Variants in SPMIP2 observed in about 807,000 individuals in gnomAD.
SPMIP2 encodes protein SPMIP2.
At chr4:158,990,740 T>A in the SPMIP2 span, among the ~76,000 whole-genome samples, 1 of 151,522 alleles carries the variant, frequency 6.6e-6, no homozygotes, top group Non-Finnish European at 1.5e-5. Context: ...CATTGAGGGG[T>A]GAGGGGCTAG....
At chr4:159,000,429 G>T in the SPMIP2 span, among the ~76,000 whole-genome samples, 1 of 151,082 alleles carries the variant, frequency 6.6e-6, no homozygotes, top group Non-Finnish European at 1.5e-5. Flanking sequence ...GCGGTTCCCA[G>T]AATTTGATCT....
chr4:159,078,010 G>T, the SPMIP2 span, among the ~76,000 whole-genome samples: 2 of 152,012 alleles, frequency 1.3e-5, no homozygotes, highest in African/African-American at 4.8e-5. Context: ...AAAAAGGCAA[G>T]CTACCTCTAA....
chr4:158,894,464 G>A, the SPMIP2 span, among the ~76,000 whole-genome samples: 2 of 152,076 alleles, frequency 1.3e-5, no homozygotes, highest in South Asian at 2.1e-4. Flanking sequence ...GAGCCACTAT[G>A]ACTGGCTAAA....
the SPMIP2 span, among the ~76,000 whole-genome samples, chr4:159,013,027 G>T: frequency 0.013 from 1,967 of 152,242 alleles, 35 homozygotes; most frequent in African/African-American, 0.044. Flanking sequence ...ACAGTCCCAC[G>T]TCTACGATCA....
the SPMIP2 span, among the ~76,000 whole-genome samples, chr4:158,896,204 T>TGCA: frequency 1.3e-5 from 2 of 152,204 alleles, no homozygotes; most frequent in African/African-American, 4.8e-5. Flanking sequence ...CTGTGGGACA[T>TGCA]GCAGCAGCAG....
At chr4:159,066,338 G>A in the SPMIP2 span, among the ~76,000 whole-genome samples, 1 of 152,030 alleles carries the variant, frequency 6.6e-6, no homozygotes. Flanking sequence ...ATGTGCTGGT[G>A]CCACAGGGAA....
At chr4:158,906,240 C>T in the SPMIP2 span, 2 of 152,160 alleles carry the variant, frequency 1.3e-5, no homozygotes, top group Non-Finnish European at 2.9e-5. Flanking sequence ...GGAACCTCAC[C>T]TGTGGCTCAG....
At chr4:159,008,735 A>G in the SPMIP2 span, among the ~76,000 whole-genome samples, 2 of 152,244 alleles carry the variant, frequency 1.3e-5, no homozygotes, top group African/African-American at 4.8e-5. Flanking sequence ...AGTGGATCAG[A>G]TGTTGACTAT....
At chr4:158,950,079 G>A in the SPMIP2 span, among the ~76,000 whole-genome samples, 1,164 of 152,260 alleles carry the variant, frequency 7.6e-3, 7 homozygotes, top group Non-Finnish European at 0.011. Context: ...CAGTCCACAG[G>A]AACTTGCAGT....
chr4:158,943,924 C>T, the SPMIP2 span, among the ~76,000 whole-genome samples: 2 of 126,350 alleles, frequency 1.6e-5, no homozygotes, highest in African/African-American at 6.1e-5. Context: ...GGTGTGATCT[C>T]GGCTCACCGC....
chr4:159,007,828 T>C, the SPMIP2 span: 1 of 560,278 alleles, frequency 1.8e-6, no homozygotes, highest in African/African-American at 1.9e-5. Context: ...AAGCCATCTA[T>C]GCACTGAATC....
chr4:158,906,405 A>C, the SPMIP2 span: 1 of 152,164 alleles, frequency 6.6e-6, no homozygotes, highest in Admixed American at 6.5e-5. Context: ...CCAGGGTTTC[A>C]TAGAAAATAA....
At chr4:158,913,725 C>T in the SPMIP2 span, among the ~76,000 whole-genome samples, 1 of 151,916 alleles carries the variant, frequency 6.6e-6, no homozygotes, top group South Asian at 2.1e-4. Context: ...CCTAGCTACT[C>T]AGGAGGCTGA....
the SPMIP2 span, among the ~76,000 whole-genome samples, chr4:158,915,685 G>A: frequency 6.6e-6 from 1 of 152,174 alleles, no homozygotes; most frequent in Non-Finnish European, 1.5e-5. Context: ...GAGGCTTCAT[G>A]AGACCCATGT....
At chr4:159,011,869 G>T in the SPMIP2 span, among the ~76,000 whole-genome samples, 2 of 151,904 alleles carry the variant, frequency 1.3e-5, no homozygotes, top group Admixed American at 1.3e-4. Context: ...AGACCAGCCT[G>T]GCCAACATGG....
chr4:158,966,285 G>T, the SPMIP2 span, among the ~76,000 whole-genome samples: 1 of 152,274 alleles, frequency 6.6e-6, no homozygotes, highest in East Asian at 1.9e-4. Flanking sequence ...TGTCAACATA[G>T]CTGAGATACC....
the SPMIP2 span, among the ~76,000 whole-genome samples, chr4:158,940,375 GAAGGAAACAATTCAACCC>G: frequency 6.6e-6 from 1 of 152,126 alleles, no homozygotes. Flanking sequence ...TGAACTTGGA[GAAGGAAACAATTCAACCC>G]AAGGAAACAA....
chr4:159,026,287 CAG>C, the SPMIP2 span: 8 of 574,732 alleles, frequency 1.4e-5, no homozygotes, highest in African/African-American at 1.5e-4. Flanking sequence ...CATAAAAACT[CAG>C]AGCACTTAGA....
At chr4:158,899,125 G>T in the SPMIP2 span, among the ~76,000 whole-genome samples, 1 of 152,144 alleles carries the variant, frequency 6.6e-6, no homozygotes, top group African/African-American at 2.4e-5. Context: ...TTTGTCACTG[G>T]TTTTGTTTAT....
Sources: gnomAD v4.1 joint callset for allele counts (sites outside exome capture counted in the v4.1 genomes callset) on GRCh38, gnomAD v4.1.1 for gene constraint, MANE v1.5 for transcripts, NCBI Gene and HGNC (gene_info 2026-07-23, HGNC 2026-07-21) for gene names.